Variants in KRTAP13-4 observed in about 807,000 individuals in gnomAD.
KRTAP13-4 encodes the protein keratin-associated protein 13-4.
For missense variants in KRTAP13-4, 198 were observed against 189.6 expected (o/e 1.04, Z -0.26); for synonymous variants, 80 against 77.2 (o/e 1.04, Z -0.19).
In KRTAP13-4 at chr21:30,430,596, T is replaced by C. The variant is rs138716084; in HGVS notation, c.321T>C (p.Asn107=). The C allele has an allele frequency of 5.1e-5, 82 of 1,614,194 alleles. No individual in the cohort carries two copies. The African/African-American group carries it at 1.0e-3, about 20-fold the overall frequency. ...CTAGGTGCTGCTACTCGCTGGGAAA[T>C]GGATCCAGTGGCTTCAGATTCCTGA... The change falls in exon 1 of 1, where the codon AAT becomes AAC. Residue 107 remains asparagine (N), a synonymous_variant. Transcript: ENST00000334068.
exon 1 of KRTAP13-4, chr21:30,430,795 CTACTGAATGCAGCCATTAT>C (rs1364332934): frequency 6.5e-7 from 1 of 1,547,250 alleles, no homozygotes; most frequent in East Asian, 2.3e-5. Flanking sequence ...ATCAAAGTCT[CTACTGAATGCAGCCATTAT>C]TTTCATTCTT....
At chr21:30,430,382 G>C (rs772043934) in exon 1 of KRTAP13-4, 2 of 1,614,148 alleles carry the variant, frequency 1.2e-6, no homozygotes, top group Non-Finnish European at 1.7e-6. Context: ...ACTGCCCTCT[G>C]CTCTCCCAGC....
exon 1 of KRTAP13-4, chr21:30,430,246 C>T: frequency 6.4e-7 from 1 of 1,553,416 alleles, no homozygotes. Flanking sequence ...TTCTTAGGTA[C>T]ACTCAGCTGA....
At chr21:30,430,383 C>T (rs953646834) in exon 1 of KRTAP13-4, 5 of 1,614,206 alleles carry the variant, frequency 3.1e-6, no homozygotes, top group Admixed American at 1.7e-5. Flanking sequence ...CTGCCCTCTG[C>T]TCTCCCAGCA....
exon 1 of KRTAP13-4, chr21:30,430,504 T>C: frequency 1.2e-6 from 2 of 1,614,226 alleles, no homozygotes; most frequent in Non-Finnish European, 1.7e-6. Context: ...CTGCTGTCCC[T>C]GTCAGACGAC....
At chr21:30,430,644 T>C (rs781464444) in exon 1 of KRTAP13-4, 57 of 1,614,088 alleles carry the variant, frequency 3.5e-5, no homozygotes, top group Non-Finnish European at 3.4e-6. Flanking sequence ...GTGGTTTTCC[T>C]TCCCTGAGTT....
exon 1 of KRTAP13-4, chr21:30,430,346 C>A: frequency 6.2e-7 from 1 of 1,614,024 alleles, no homozygotes. Flanking sequence ...TACCCAGGCT[C>A]CTACCCCAGC....
At chr21:30,430,972 A>G (rs1038120511) in exon 1 of KRTAP13-4, 2 of 464,280 alleles carry the variant, frequency 4.3e-6, no homozygotes, top group Admixed American at 3.9e-5. Context: ...TTCATCCAAA[A>G]ACTGTTGAAA....
exon 1 of KRTAP13-4, chr21:30,430,891 G>A: frequency 1.0e-6 from 1 of 990,018 alleles, no homozygotes; most frequent in Non-Finnish European, 1.5e-6. Context: ...CTGGCAGACT[G>A]CGAAATTAAT....
chr21:30,430,537 C>T (rs764563782), exon 1 of KRTAP13-4: 25 of 1,614,076 alleles, frequency 1.5e-5, no homozygotes, highest in Middle Eastern at 1.6e-4. Context: ...TCTAGGCTTT[C>T]GGTCCAGCAG....
exon 1 of KRTAP13-4, chr21:30,430,479 C>G: frequency 6.2e-7 from 1 of 1,614,098 alleles, no homozygotes; most frequent in Non-Finnish European, 8.5e-7. Context: ...GCTACCGCCC[C>G]AGGACCTCCA....
At chr21:30,430,705 T>C in exon 1 of KRTAP13-4, 1 of 1,614,164 alleles carries the variant, frequency 6.2e-7, no homozygotes, top group African/African-American at 1.3e-5. Flanking sequence ...AGCCTGGCAG[T>C]CTTCTTGTTA....
At chr21:30,430,364 T>G in exon 1 of KRTAP13-4, 2 of 1,614,148 alleles carry the variant, frequency 1.2e-6, no homozygotes, top group Non-Finnish European at 1.7e-6. Context: ...AGCAGCCTGG[T>G]CTACAGCACT....
At chr21:30,430,869 C>T in exon 1 of KRTAP13-4, 2 of 1,265,524 alleles carry the variant, frequency 1.6e-6, no homozygotes, top group East Asian at 2.3e-5. Context: ...CAGCTTCTTG[C>T]ATGACCAACT....
exon 1 of KRTAP13-4, chr21:30,430,323 G>A (rs766973133): frequency 2.8e-5 from 45 of 1,613,400 alleles, no homozygotes; most frequent in Admixed American, 8.3e-5. Context: ...GCTCCTTTGG[G>A]GGCTACCTGT....
exon 1 of KRTAP13-4, chr21:30,430,656 C>T (rs776369477): frequency 1.5e-5 from 24 of 1,614,156 alleles, no homozygotes; most frequent in South Asian, 3.3e-5. Flanking sequence ...CCCTGAGTTA[C>T]GGATCCAGAT....
At chr21:30,430,420 A>G (rs930682971) in exon 1 of KRTAP13-4, 2 of 1,614,124 alleles carry the variant, frequency 1.2e-6, no homozygotes, top group Non-Finnish European at 8.5e-7. Context: ...CTCTCTCTAC[A>G]GGGACTGTCA....
At chr21:30,430,774 T>C (rs553003416) in exon 1 of KRTAP13-4, 10 of 1,589,726 alleles carry the variant, frequency 6.3e-6, no homozygotes, top group South Asian at 1.1e-5. Context: ...TAGATCCTTT[T>C]GAGTATTGGG....
chr21:30,430,680 C>T, exon 1 of KRTAP13-4: 2 of 1,614,242 alleles, frequency 1.2e-6, no homozygotes, highest in Non-Finnish European at 1.7e-6. Context: ...GCTACCCAAA[C>T]TACTTGGCTT....
Sources: gnomAD v4.1 joint callset for allele counts on GRCh38, gnomAD v4.1.1 for gene constraint, MANE v1.5 for transcripts, NCBI Gene and HGNC (gene_info 2026-07-23, HGNC 2026-07-21) for gene names.